The following PLEKHA5 variants were observed in gnomAD, a reference collection of about 807,000 sequenced individuals.
PLEKHA5 encodes pleckstrin homology domain-containing family A member 5.
Under a neutral mutation model 181.9 loss-of-function variants are expected in PLEKHA5, and 55 were observed. The observed-to-expected ratio is 0.30, with a 90% CI of 0.24 to 0.38. The LOEUF is 0.38. PLEKHA5 is among the 10% of genes least tolerant of loss of function. The pLI, the probability that PLEKHA5 is intolerant of heterozygous loss-of-function variation, is 1.00. For synonymous variants in PLEKHA5, 535 were observed against 529.4 expected (o/e 1.01, Z -0.15); for missense variants, 1,432 against 1,549.5 (o/e 0.92, Z 1.27).
intron 15 of PLEKHA5, among the ~76,000 whole-genome samples, chr12:19,293,124 A>G (rs973472290): frequency 2.0e-5 from 3 of 152,160 alleles, no homozygotes; most frequent in Admixed American, 6.5e-5. Context: ...AAACTTGACT[A>G]TTTTATCAAA....
At position 19,200,981 on chromosome 12, in the gene PLEKHA5, G is replaced by T. The variant is rs2054049694; in HGVS notation, c.228-52959G>T. ...TAGATGCGATTAAAGATTTACAAAAGAAAAAATTGATAAATTAGACTTCAT... is the reference window on the plus strand; with the variant it reads ...TAGATGCGATTAAAGATTTACAAAATAAAAAATTGATAAATTAGACTTCAT... On this transcript the variant is annotated intron_variant, in intron 3 of 31. Coordinates refer to ENST00000429027, the MANE Select transcript of PLEKHA5 (RefSeq NM_001256470.2). 2.0e-5 allele frequency: 3 copies of T among 152,162 alleles called. No individual in the cohort carries two copies. In the South Asian group the frequency reaches 6.2e-4, roughly 32 times the overall value. 9.4% of individuals were successfully genotyped at this position (152,162 alleles called of 1,614,324 possible).
intron 11 of PLEKHA5, among the ~76,000 whole-genome samples, chr12:19,279,748 C>T (rs1244569378): frequency 6.6e-6 from 1 of 151,596 alleles, no homozygotes; most frequent in African/African-American, 2.4e-5. Context: ...ATTCTGAAAG[C>T]CCCAGAATAT....
At chr12:19,350,705 T>A (rs916127151) in intron 25 of PLEKHA5, among the ~76,000 whole-genome samples, 7 of 152,010 alleles carry the variant, frequency 4.6e-5, no homozygotes, top group African/African-American at 1.7e-4. Flanking sequence ...GAGGCAGAGG[T>A]TACAGTGAGC....
rs550002879 is a variant in PLEKHA5 at position 19,214,651 on chromosome 12, G to A, written c.228-39289G>A. Among the ~76,000 whole-genome samples, 17 of 152,136 alleles carry A rather than the reference G, an allele frequency of 1.1e-4. No individual in the cohort carries two copies. The South Asian group carries it at 3.1e-3, about 28-fold the overall frequency. The stretch of plus-strand genomic sequence containing the variant: ...GACTTAACTACCCTAAGATTTGAGG[G>A]CAACAAATATTTGCTTGGGGCATGG... On this transcript the variant is annotated intron_variant, in intron 3 of 31. Transcript: ENST00000429027.
At chr12:19,255,383 T>A (rs974285487) in intron 5 of PLEKHA5, among the ~76,000 whole-genome samples, 6 of 152,074 alleles carry the variant, frequency 3.9e-5, no homozygotes, top group African/African-American at 1.4e-4. Flanking sequence ...TAGAAATACA[T>A]TGATATTTGT....
intron 8 of PLEKHA5, among the ~76,000 whole-genome samples, chr12:19,269,385 T>TC (rs1399636990): frequency 4.0e-5 from 1 of 24,834 alleles, no homozygotes; most frequent in Non-Finnish European, 1.4e-4. Flanking sequence ...AGACTCTGTC[T>TC]CAAAAAAAAG....
At chr12:19,334,299 A>T (rs1287702965) in intron 20 of PLEKHA5, among the ~76,000 whole-genome samples, 2 of 152,218 alleles carry the variant, frequency 1.3e-5, no homozygotes, top group African/African-American at 4.8e-5. Context: ...GTTCAGTGGC[A>T]GGACTCTCCA....
intron 16 of PLEKHA5, among the ~76,000 whole-genome samples, chr12:19,318,941 A>G (rs2089921486): frequency 6.6e-6 from 1 of 152,204 alleles, no homozygotes; most frequent in South Asian, 2.1e-4. Context: ...AATATTAAGC[A>G]AACTATATTT....
At chr12:19,301,768 T>A (rs189837154) in intron 15 of PLEKHA5, among the ~76,000 whole-genome samples, 1 of 152,368 alleles carries the variant, frequency 6.6e-6, no homozygotes, top group African/African-American at 2.4e-5. Context: ...TTAAAACTTC[T>A]GAAGTAATCT....
intron 3 of PLEKHA5, among the ~76,000 whole-genome samples, chr12:19,248,221 A>C (rs961307471): frequency 2.6e-5 from 4 of 152,082 alleles, no homozygotes. Flanking sequence ...TTTAATCTTT[A>C]ATGCCATAGT....
At chr12:19,246,543 A>C (rs2063789335) in intron 3 of PLEKHA5, among the ~76,000 whole-genome samples, 1 of 147,932 alleles carries the variant, frequency 6.8e-6, no homozygotes, top group Admixed American at 6.9e-5. Context: ...AACTGCTTGA[A>C]CCCAGGAGGC....
At chr12:19,168,506 C>A (rs1322541260) in intron 3 of PLEKHA5, among the ~76,000 whole-genome samples, 2 of 76,214 alleles carry the variant, frequency 2.6e-5, no homozygotes, top group Admixed American at 1.2e-4. Flanking sequence ...AAAAAAAAAA[C>A]AAAAAACAAA....
At chr12:19,241,647 T>G (rs2062628892) in intron 3 of PLEKHA5, among the ~76,000 whole-genome samples, 2 of 151,794 alleles carry the variant, frequency 1.3e-5, no homozygotes, top group Non-Finnish European at 2.9e-5. Context: ...TCCCATCTAC[T>G]TGGGAGGTTG....
intron 15 of PLEKHA5, among the ~76,000 whole-genome samples, chr12:19,297,570 C>T (rs566009208): frequency 3.4e-5 from 5 of 145,304 alleles, no homozygotes; most frequent in East Asian, 2.0e-4. Flanking sequence ...TGCAGTGAGC[C>T]GAGATTGCGC....
chr12:19,232,253 T>A (rs1033152028), intron 3 of PLEKHA5, among the ~76,000 whole-genome samples: 8 of 152,170 alleles, frequency 5.3e-5, no homozygotes, highest in Non-Finnish European at 1.0e-4. Context: ...TTGGTTATGC[T>A]GATTGTTCCT....
chr12:19,294,151 A>G (rs1241217206), intron 15 of PLEKHA5, among the ~76,000 whole-genome samples: 1 of 152,208 alleles, frequency 6.6e-6, no homozygotes. Flanking sequence ...CAGCATATGA[A>G]AACATGGTGG....
At chr12:19,221,602 G>A (rs1325249016) in intron 3 of PLEKHA5, among the ~76,000 whole-genome samples, 1 of 152,092 alleles carries the variant, frequency 6.6e-6, no homozygotes, top group Non-Finnish European at 1.5e-5. Flanking sequence ...AACACAAAAA[G>A]TAAAACCCGA....
intron 3 of PLEKHA5, among the ~76,000 whole-genome samples, chr12:19,249,206 A>C (rs1364506068): frequency 6.6e-6 from 1 of 152,120 alleles, no homozygotes; most frequent in Non-Finnish European, 1.5e-5. Flanking sequence ...GATTAACTAC[A>C]ATAACTAATA....
rs1269629245 is a variant in PLEKHA5, at chr12:19,138,122, G to GCTA, written c.227+5672_227+5673insCTA. 7.9e-5 allele frequency among the ~76,000 whole-genome samples: 12 copies of GCTA among 152,138 alleles called. 1 individual carries two copies. Among genetic ancestry groups the GCTA allele is most frequent in the Admixed American group, 7.9e-4 (12 of 15,270 alleles). ...GACCTGGAGACAGGGCCTTACATAG[G>GCTA]ACCTGTCTGTCCTATACAGGATGGA... On this transcript the variant is annotated intron_variant, in intron 3 of 31. Transcript: ENST00000429027.
Sources: allele counts gnomAD v4.1 joint callset (sites outside exome capture counted in the v4.1 genomes callset), GRCh38; gene constraint gnomAD v4.1.1; transcripts MANE v1.5; gene names NCBI Gene and HGNC (gene_info 2026-07-23, HGNC 2026-07-21).